Variants in ST3GAL3 observed in about 807,000 individuals in gnomAD.
ST3GAL3 encodes the protein CMP-N-acetylneuraminate-beta-1,4-galactoside alpha-2,3-sialyltransferase.
In ST3GAL3, 21 loss-of-function variants were observed where a neutral mutation model predicts 50.1. That is an observed-to-expected ratio of 0.42 (90% CI 0.30 to 0.60). ST3GAL3 has a LOEUF of 0.60. Among genes scored for constraint, ST3GAL3 ranks in the 20% least tolerant of loss-of-function variants. The pLI, the probability that ST3GAL3 is intolerant of heterozygous loss-of-function variation, is 0.19. For synonymous variants in ST3GAL3, 183 were observed against 190.0 expected, an observed-to-expected ratio of 0.96 and a Z score of 0.30; for missense variants, 353 against 489.4, an observed-to-expected ratio of 0.72 and a Z score of 2.63.
chr1:43,824,648 C>T, intron 4 of ST3GAL3: 1 of 1,572,724 alleles, frequency 6.4e-7, no homozygotes, highest in Non-Finnish European at 8.7e-7. Context: ...TAGCATTTTT[C>T]ACAGCCCACT....
At position 43,899,182 on chromosome 1, in the gene ST3GAL3, G is replaced by A. The variant is rs141596274; in HGVS notation, c.476G>A (p.Arg159His). ...TCTCCCCTCAGCCTCCGCTGCCGCC[G>A]CTGCATCATCGTGGGCAATGGAGGC... ...TPALDSLRCRRCIIVGNGGVL... is the reference protein window; with the variant it reads ...TPALDSLRCRHCIIVGNGGVL... Residue 159 changes from arginine to histidine, a missense_variant, in exon 8 of 12, where the codon CGC (arginine) becomes CAC (histidine). Transcript: ENST00000347631. This position sits in a 1 kb window ranked among gnomAD's most constrained non-coding sequence, Gnocchi z 5.4. 12 of 1,614,166 alleles carry A rather than the reference G, an allele frequency of 7.4e-6. No homozygotes were observed. Among genetic ancestry groups the A allele is most frequent in the Non-Finnish European group, 1.0e-5 (12 of 1,180,032 alleles).
At chr1:43,906,214 A>G (rs1436200404) in intron 9 of ST3GAL3, among the ~76,000 whole-genome samples, 1 of 44,018 alleles carries the variant, frequency 2.3e-5, no homozygotes, top group Admixed American at 3.2e-4. Context: ...CCTTCCTGCC[A>G]CTCTTCCTCC....
chr1:43,819,507 G>A (rs967418519), intron 4 of ST3GAL3, among the ~76,000 whole-genome samples: 1 of 152,108 alleles, frequency 6.6e-6, no homozygotes, highest in Non-Finnish European at 1.5e-5. Context: ...CAGGTGAAAG[G>A]TTGGCTTTGG....
rs1308950378 is a variant in ST3GAL3, at chr1:43,930,123, T to A, written c.1039-9T>A. 1 of 1,613,800 alleles carries A rather than the reference T, an allele frequency of 6.2e-7. No homozygotes were observed. Among genetic ancestry groups the A allele is most frequent in the African/African-American group, 1.3e-5 (1 of 74,920 alleles). On this transcript the variant is annotated splice_polypyrimidine_tract_variant and intron_variant, in intron 11 of 11. Coordinates refer to ENST00000347631, the MANE Select transcript of ST3GAL3 (RefSeq NM_006279.5). ...AAGGCCCAACTGATCACTTCATCTCTCCTTTCAGTCCTGGACGCACAATAT... is the reference window on the plus strand; with the variant it reads ...AAGGCCCAACTGATCACTTCATCTCACCTTTCAGTCCTGGACGCACAATAT...
intron 4 of ST3GAL3, among the ~76,000 whole-genome samples, chr1:43,818,129 A>G (rs918679020): frequency 1.3e-4 from 20 of 152,194 alleles, no homozygotes; most frequent in African/African-American, 4.8e-4. Context: ...CTCTCTCTCT[A>G]CGCCTCTTCT....
intron 1 of ST3GAL3, among the ~76,000 whole-genome samples, chr1:43,733,778 C>T (rs552796843): frequency 1.3e-5 from 2 of 152,374 alleles, no homozygotes; most frequent in Admixed American, 6.5e-5. Flanking sequence ...AGAAAACTCA[C>T]ATTTCAGGAA....
At chr1:43,799,991 T>A (rs1483633509) in intron 3 of ST3GAL3, among the ~76,000 whole-genome samples, 1 of 152,178 alleles carries the variant, frequency 6.6e-6, no homozygotes, top group Non-Finnish European at 1.5e-5. Flanking sequence ...CATTTTTGGC[T>A]GCTGTGGGAG....
At chr1:43,884,065 G>A (rs866066323) in intron 5 of ST3GAL3, among the ~76,000 whole-genome samples, 1 of 152,132 alleles carries the variant, frequency 6.6e-6, no homozygotes, top group African/African-American at 2.4e-5. Flanking sequence ...CTAGCTTCTT[G>A]AGGAAAGGAC....
intron 1 of ST3GAL3, among the ~76,000 whole-genome samples, chr1:43,724,382 A>ATTTT (rs36044239): frequency 4.1e-5 from 5 of 121,188 alleles, no homozygotes; most frequent in African/African-American, 1.5e-4. Context: ...GGCTATTTTC[A>ATTTT]TTTTTTTTTT....
chr1:43,835,417 C>T (rs2064164884), intron 4 of ST3GAL3, among the ~76,000 whole-genome samples: 2 of 152,166 alleles, frequency 1.3e-5, no homozygotes, highest in African/African-American at 2.4e-5. Flanking sequence ...AATAACTTGA[C>T]ATGACCCACT....
At chr1:43,865,961 G>A (rs761596049) in intron 5 of ST3GAL3, among the ~76,000 whole-genome samples, 2 of 152,202 alleles carry the variant, frequency 1.3e-5, no homozygotes, top group South Asian at 2.1e-4. Context: ...CTTAAGATAC[G>A]TGGTCTGTGG....
intron 9 of ST3GAL3, among the ~76,000 whole-genome samples, chr1:43,909,616 AAAGT>A (rs1325381342): frequency 2.6e-5 from 4 of 152,278 alleles, no homozygotes; most frequent in African/African-American, 9.6e-5. Context: ...AGGGAATTTT[AAAGT>A]AAGGATAGAA....
chr1:43,780,334 T>G (rs2154141584), intron 2 of ST3GAL3, among the ~76,000 whole-genome samples: 1 of 152,264 alleles, frequency 6.6e-6, no homozygotes, highest in Admixed American at 6.5e-5. Flanking sequence ...TAAAACCTGT[T>G]TGTAGTTGTT....
intron 4 of ST3GAL3, among the ~76,000 whole-genome samples, chr1:43,834,134 C>T (rs974356905): frequency 3.3e-5 from 5 of 152,180 alleles, no homozygotes; most frequent in Non-Finnish European, 5.9e-5. Context: ...ACACTCCAGC[C>T]TGGGCAACAG....
intron 11 of ST3GAL3, among the ~76,000 whole-genome samples, chr1:43,927,052 G>A (rs902657108): frequency 2.0e-5 from 3 of 152,070 alleles, no homozygotes; most frequent in Admixed American, 6.6e-5. Context: ...CATTCAGGCC[G>A]GGCGTGGTGG....
chr1:43,728,014 C>T (rs569969891), intron 1 of ST3GAL3, among the ~76,000 whole-genome samples: 5 of 151,978 alleles, frequency 3.3e-5, no homozygotes, highest in Non-Finnish European at 5.9e-5. Flanking sequence ...TCAACCCTTG[C>T]GCCTTCACCC....
At chr1:43,714,488 C>G (rs1666395495) in intron 1 of ST3GAL3, among the ~76,000 whole-genome samples, 1 of 150,870 alleles carries the variant, frequency 6.6e-6, no homozygotes, top group African/African-American at 2.4e-5. Flanking sequence ...ACCTGTAGTC[C>G]CAGCTGCTCT....
intron 2 of ST3GAL3, among the ~76,000 whole-genome samples, chr1:43,759,950 CA>C (rs913373526): frequency 4.0e-5 from 6 of 151,742 alleles, no homozygotes; most frequent in African/African-American, 1.2e-4. Context: ...GAACCCATCT[CA>C]AAAAAAATGT....
chr1:43,788,168 A>G (rs1208848345), intron 2 of ST3GAL3, among the ~76,000 whole-genome samples: 1 of 152,116 alleles, frequency 6.6e-6, no homozygotes, highest in Non-Finnish European at 1.5e-5. Context: ...CCCAGAGACA[A>G]CCATGTTTTT....
Sources: allele counts gnomAD v4.1 joint callset (sites outside exome capture counted in the v4.1 genomes callset), GRCh38; gene constraint gnomAD v4.1.1; non-coding constraint Gnocchi (gnomAD v3.1); transcripts MANE v1.5; gene names NCBI Gene and HGNC (gene_info 2026-07-23, HGNC 2026-07-21).